Variants in VPS13B observed in about 807,000 individuals in gnomAD.
VPS13B encodes the protein vacuolar protein sorting 13 homolog B.
A neutral mutation model predicts 426.4 loss-of-function variants in VPS13B; 285 were observed. That is an observed-to-expected ratio of 0.67 (90% CI 0.61 to 0.74). The LOEUF is 0.74. Ranked by LOEUF, VPS13B falls within the 30% of genes least tolerant of loss-of-function variation. The probability of loss-of-function intolerance (pLI) is 0.00; values close to 1 mark genes in which losing one functional copy is unlikely to be tolerated. For missense variants in VPS13B, 4,537 were observed against 4,782.6 expected, an observed-to-expected ratio of 0.95 and a Z score of 1.51; for synonymous variants, 1,676 against 1,676.4, an observed-to-expected ratio of 1.00 and a Z score of 0.01.
Position 99,823,911 on chromosome 8 carries a change from A to G in VPS13B, c.9263A>G (p.Asn3088Ser), listed in dbSNP as rs1814519813. The G allele has an allele frequency of 2.5e-6, 4 of 1,613,598 alleles. No individual in the cohort carries two copies. Among genetic ancestry groups the G allele is most frequent in the African/African-American group, 1.3e-5 (1 of 75,044 alleles). The part of the protein sequence containing the change: ...IQIEDKTTII[N>S]NTPYQIFYKP... Reference sequence around the variant, plus strand: ...ATTGAAGACAAGACTACAATAATCAATAATACACCATATCAAATATTTTAT... The same window carrying G: ...ATTGAAGACAAGACTACAATAATCAGTAATACACCATATCAAATATTTTAT... The change falls in exon 51 of 62, where the codon AAT (asparagine) becomes AGT (serine). Residue 3088 changes from asparagine (N) to serine (S), a missense_variant. This residue lies in a region of VPS13B where 4,311 missense variants were observed against 4,474.3 expected (regional missense o/e 0.96). Transcript: ENST00000357162.
At chr8:99,850,400 T>C (rs1816223706) in intron 55 of VPS13B, among the ~76,000 whole-genome samples, 1 of 149,934 alleles carries the variant, frequency 6.7e-6, no homozygotes, top group South Asian at 2.1e-4. Context: ...TAAGTACGCA[T>C]GTATGTACTT....
At chr8:99,088,323 G>T (rs1357500855) in intron 3 of VPS13B, among the ~76,000 whole-genome samples, 1 of 151,938 alleles carries the variant, frequency 6.6e-6, no homozygotes, top group African/African-American at 2.4e-5. Context: ...TCAGGCATCT[G>T]TTTTTCTGTT....
At chr8:99,608,810 G>A (rs531251364) in intron 33 of VPS13B, among the ~76,000 whole-genome samples, 17 of 151,894 alleles carry the variant, frequency 1.1e-4, no homozygotes, top group Middle Eastern at 3.4e-3. Flanking sequence ...ATTCCTCTAC[G>A]TTTTAGCCTG....
intron 33 of VPS13B, among the ~76,000 whole-genome samples, chr8:99,612,159 T>C (rs16897504): frequency 0.047 from 7,104 of 152,218 alleles, 180 homozygotes; most frequent in African/African-American, 0.061. Flanking sequence ...AGACTAGCAA[T>C]CTGGATTCCT....
At chr8:99,593,854 T>C in intron 33 of VPS13B, among the ~76,000 whole-genome samples, 1 of 151,916 alleles carries the variant, frequency 6.6e-6, no homozygotes. Flanking sequence ...GGGAGCTGAA[T>C]GATGAGAACA....
intron 19 of VPS13B, among the ~76,000 whole-genome samples, chr8:99,299,199 T>G (rs1820218901): frequency 1.3e-5 from 2 of 151,756 alleles, no homozygotes; most frequent in South Asian, 4.2e-4. Context: ...GTAGCTGGGA[T>G]TACAGGCCCC....
chr8:99,725,527 C>G (rs1322239771), intron 39 of VPS13B, among the ~76,000 whole-genome samples: 1 of 152,194 alleles, frequency 6.6e-6, no homozygotes, highest in Non-Finnish European at 1.5e-5. Context: ...TCTCCCCACC[C>G]CTTGGTCTAT....
chr8:99,376,658 C>A lies in VPS13B; in HGVS notation c.2825-7550C>A, dbSNP rs1314150490. ...CATGTTGAGAATTTGTTTGAAAATT[C>A]ATTGAACACATTTAGTTTTAGACAT... On this transcript the variant is annotated intron_variant, in intron 19 of 61. Coordinates refer to ENST00000357162, the MANE Select transcript of VPS13B (RefSeq NM_152564.5). Among the ~76,000 whole-genome samples the A allele has an allele frequency of 2.0e-5, 3 of 152,044 alleles. No homozygotes were observed. In the South Asian group the frequency reaches 6.2e-4, roughly 31 times the overall value.
intron 15 of VPS13B, among the ~76,000 whole-genome samples, chr8:99,167,921 T>G (rs1055651572): frequency 6.6e-6 from 1 of 152,156 alleles, no homozygotes; most frequent in Admixed American, 6.5e-5. Context: ...CTATCCTTCA[T>G]GAAAGCAACT....
chr8:99,326,241 C>T (rs895856142), intron 19 of VPS13B, among the ~76,000 whole-genome samples: 1 of 151,714 alleles, frequency 6.6e-6, no homozygotes, highest in African/African-American at 2.4e-5. Context: ...GCGACAGGTA[C>T]TCAGTGTATA....
At chr8:99,315,959 A>C (rs1809634481) in intron 19 of VPS13B, among the ~76,000 whole-genome samples, 1 of 152,088 alleles carries the variant, frequency 6.6e-6, no homozygotes, top group Admixed American at 6.5e-5. Context: ...ATTTGTTTGC[A>C]TAGGGGAAGG....
intron 24 of VPS13B, among the ~76,000 whole-genome samples, chr8:99,480,271 G>C (rs1285673292): frequency 6.6e-6 from 1 of 152,070 alleles, no homozygotes; most frequent in Non-Finnish European, 1.5e-5. Context: ...TGTGTGTCAT[G>C]GTTTGCATGG....
chr8:99,120,479 G>A (rs969249287), intron 7 of VPS13B: 3 of 152,226 alleles, frequency 2.0e-5, no homozygotes, highest in Admixed American at 6.5e-5. Flanking sequence ...AAATTAAAGA[G>A]TAGTTGGAAT....
chr8:99,362,243 G>A (rs1337314961), intron 19 of VPS13B, among the ~76,000 whole-genome samples: 3 of 145,636 alleles, frequency 2.1e-5, no homozygotes, highest in South Asian at 2.2e-4. Context: ...CCAGTTTCAC[G>A]CCATTCTCCT....
intron 35 of VPS13B, among the ~76,000 whole-genome samples, chr8:99,664,164 A>C (rs534339673): frequency 2.2e-4 from 33 of 151,472 alleles, no homozygotes; most frequent in Non-Finnish European, 4.1e-4. Context: ...GCACCATCAC[A>C]CCCGGCTAAT....
intron 56 of VPS13B, among the ~76,000 whole-genome samples, chr8:99,859,007 G>A (rs1252212230): frequency 6.6e-6 from 1 of 152,154 alleles, no homozygotes; most frequent in Admixed American, 6.5e-5. Flanking sequence ...GTAGCAGAGT[G>A]CATCCCCGCC....
chr8:99,672,526 T>C (rs1830758401), intron 35 of VPS13B, among the ~76,000 whole-genome samples: 1 of 152,136 alleles, frequency 6.6e-6, no homozygotes, highest in Non-Finnish European at 1.5e-5. Context: ...TCTAACAGTT[T>C]TCTGGTCAAG....
At chr8:99,024,267 TGA>T (rs1210692032) in intron 2 of VPS13B, among the ~76,000 whole-genome samples, 42 of 152,386 alleles carry the variant, frequency 2.8e-4, no homozygotes, top group African/African-American at 9.4e-4. Context: ...TGCGTGTGTG[TGA>T]GAGCGTGTTT....
intron 17 of VPS13B, chr8:99,234,033 C>A (rs1816503304): frequency 1.3e-6 from 1 of 776,360 alleles, no homozygotes; most frequent in South Asian, 1.4e-5. Flanking sequence ...ATGGCACCAA[C>A]AAACTGGGTT....
Sources: gnomAD v4.1 joint callset for allele counts (sites outside exome capture counted in the v4.1 genomes callset) on GRCh38, gnomAD v4.1.1 for gene constraint, gnomAD v4.1.1 regional missense constraint, MANE v1.5 for transcripts, NCBI Gene and HGNC (gene_info 2026-07-23, HGNC 2026-07-21) for gene names.